KLHL41: variants seen among roughly 807,000 people sequenced by gnomAD.
The protein encoded by KLHL41 is kelch like family member 41.
Under a neutral mutation model 49.2 loss-of-function variants are expected in KLHL41, and 31 were observed. That is an observed-to-expected ratio of 0.63 (90% CI 0.47 to 0.85). The LOEUF (loss-of-function observed/expected upper bound fraction) is 0.85, where lower values mean the gene tolerates loss of function less well. Among genes scored for constraint, KLHL41 ranks in the 40% least tolerant of loss-of-function variants. KLHL41 has a pLI of 0.00. For synonymous variants in KLHL41, 218 were observed against 258.5 expected, an observed-to-expected ratio of 0.84 and a Z score of 1.50; for missense variants, 663 against 726.7, an observed-to-expected ratio of 0.91 and a Z score of 1.01.
rs1684298505 is a variant in KLHL41 at position 169,525,931 on chromosome 2, T to C, written c.*235T>C. On this transcript the variant is annotated 3_prime_UTR_variant, in exon 6 of 6. Coordinates refer to ENST00000284669, the MANE Select transcript of KLHL41 (RefSeq NM_006063.3). ...TAAATCTTCAGTTGAACAAATTATT[T>C]TGTGAATCTGTTTCACTCAATGGAT... 3.0e-6 allele frequency: 1 copy of C among 328,016 alleles called. No individual in the cohort carries two copies. Among genetic ancestry groups the C allele is most frequent in the Admixed American group, 4.6e-5 (1 of 21,732 alleles). 20.3% of individuals were successfully genotyped at this position (328,016 alleles called of 1,614,324 possible). A position where few individuals can be genotyped will look rare whatever the true frequency, so the allele number is the denominator to read the frequency against.
At chr2:169,516,003 AGAG>A (rs1023023614) in intron 3 of KLHL41, among the ~76,000 whole-genome samples, 10 of 152,182 alleles carry the variant, frequency 6.6e-5, no homozygotes, top group African/African-American at 1.9e-4. Flanking sequence ...TAACCCAGAG[AGAG>A]GAGAAGTGAG....
Position 169,514,673 on chromosome 2 carries a change from G to A in KLHL41, c.1210G>A (p.Ala404Thr), listed in dbSNP as rs747444097. ...GGTGGATGATAAAATCTATGTAGTT[G>A]CAGGCAAAGACCTTCAAACAGAGGC... ...GEVDDKIYVV[A>T]GKDLQTEASL... The change falls in exon 2 of 6, where the codon GCA (alanine) becomes ACA (threonine). Residue 404 changes from alanine (A) to threonine (T), a missense_variant. Coordinates refer to ENST00000284669, the MANE Select transcript of KLHL41 (RefSeq NM_006063.3). 5.0e-6 allele frequency: 8 copies of A among 1,613,868 alleles called. No individual in the cohort carries two copies. The highest frequency in any genetic ancestry group is 1.3e-5 in the African/African-American group (1 of 74,876).
At chr2:169,520,835 T>C in intron 4 of KLHL41, 26 bp from the exon 5 acceptor site, 1 of 1,534,376 alleles carries the variant, frequency 6.5e-7, no homozygotes. Context: ...AAGTTTTACA[T>C]TGACTATATT....
At chr2:169,522,381 C>A (rs867966786) in intron 5 of KLHL41, among the ~76,000 whole-genome samples, 7 of 152,000 alleles carry the variant, frequency 4.6e-5, no homozygotes, top group Admixed American at 6.6e-5. Context: ...CCTCCTCCCC[C>A]CAAAAAAGAG....
rs779872706 is a variant in KLHL41 at position 169,518,326 on chromosome 2, G to A, written c.1513G>A (p.Glu505Lys). 3 of 1,613,968 alleles carry A rather than the reference G, an allele frequency of 1.9e-6. No individual in the cohort carries two copies. Among genetic ancestry groups the A allele is most frequent in the South Asian group, 1.1e-5 (1 of 91,016 alleles). ...GKIVIAGGVTEDGLSASVEAF... is the reference protein window; with the variant it reads ...GKIVIAGGVTKDGLSASVEAF... Reference sequence around the variant, plus strand: ...AATTGTGATTGCAGGAGGTGTCACTGAAGATGGTCTTTCAGCTTCAGTTGA... The same window carrying A: ...AATTGTGATTGCAGGAGGTGTCACTAAAGATGGTCTTTCAGCTTCAGTTGA... Residue 505 changes from glutamate (E) to lysine (K), a missense_variant, in exon 4 of 6, where the codon GAA becomes AAA. Coordinates refer to ENST00000284669, the MANE Select transcript of KLHL41 (RefSeq NM_006063.3).
chr2:169,510,268 C>A lies in KLHL41; in HGVS notation c.490C>A (p.Gln164Lys). 2 of 1,614,004 alleles carry A rather than the reference C, an allele frequency of 1.2e-6. No individual in the cohort carries two copies. Among genetic ancestry groups the A allele is most frequent in the Non-Finnish European group, 1.7e-6 (2 of 1,180,034 alleles). The change falls in exon 1 of 6, where the codon CAG becomes AAG. Residue 164 changes from glutamine (Q) to lysine (K), a missense_variant. Around this residue, in one of 3 missense-constraint regions of KLHL41, gnomAD observed 528 missense variants for 581.0 expected, o/e 0.91. Transcript: ENST00000284669. The surrounding 1 kb of genome is among the most constrained non-coding windows in gnomAD (Gnocchi z 4.2). ...TGAATTTGTGTCTGATCGCTTTGTA[C>A]AGATTTGTAAGGAAGAGGACTTTAT... is the stretch of plus-strand genomic sequence containing the variant. ...AREFVSDRFVQICKEEDFMQL... is the reference protein window; with the variant it reads ...AREFVSDRFVKICKEEDFMQL...
rs2105308039 is a variant in KLHL41, at chr2:169,510,306, A to G, written c.528A>G (p.Pro176=). Reference sequence around the variant, plus strand: ...AAGAGGACTTTATGCAACTGTCTCCACAGGAACTGATCTCAGTCATTTCAA... The same window carrying G: ...AAGAGGACTTTATGCAACTGTCTCCGCAGGAACTGATCTCAGTCATTTCAA... ...CKEEDFMQLS[P]QELISVISND... The change falls in exon 1 of 6, where the codon CCA becomes CCG. Residue 176 remains proline, a synonymous_variant. Transcript: ENST00000284669. The surrounding 1 kb of genome is among the most constrained non-coding windows in gnomAD (Gnocchi z 4.2). 6.2e-7 allele frequency: 1 copy of G among 1,614,190 alleles called. No individual in the cohort carries two copies. The highest frequency in any genetic ancestry group is 1.3e-5 in the African/African-American group (1 of 75,058).
chr2:169,522,236 T>TAA (rs922019164), intron 5 of KLHL41, among the ~76,000 whole-genome samples: 4 of 152,310 alleles, frequency 2.6e-5, no homozygotes, highest in African/African-American at 9.6e-5. Context: ...GATGCTGAAC[T>TAA]AAAAAGGCTG....
At position 169,521,988 on chromosome 2, in the gene KLHL41, G is replaced by A. The variant is rs190812342; in HGVS notation, c.1709+981G>A. On this transcript the variant is annotated intron_variant, in intron 5 of 5. Coordinates refer to ENST00000284669, the MANE Select transcript of KLHL41 (RefSeq NM_006063.3). ...TGCACTCCAGCCTCAGCTACAGAGCGAGTCTTAAAAGAAAAAAAAAAAAAG... is the reference window on the plus strand; with the variant it reads ...TGCACTCCAGCCTCAGCTACAGAGCAAGTCTTAAAAGAAAAAAAAAAAAAG... Among the ~76,000 whole-genome samples, 528 of 149,314 alleles carry A rather than the reference G, an allele frequency of 3.5e-3. 4 individuals carry two copies. The highest frequency in any genetic ancestry group is 6.3e-3 in the Non-Finnish European group (428 of 67,580).
rs940060854 is a variant in KLHL41 at position 169,525,620 on chromosome 2, T to C, written c.1745T>C (p.Leu582Ser). 3 of 1,613,394 alleles carry C rather than the reference T, an allele frequency of 1.9e-6. No homozygotes were observed. Among genetic ancestry groups the C allele is most frequent in the African/African-American group, 2.7e-5 (2 of 74,930 alleles). Residue 582 changes from leucine (L) to serine (S), a missense_variant, in exon 6 of 6, where the codon TTG (leucine) becomes TCG (serine). Around this residue, in one of 3 missense-constraint regions of KLHL41, gnomAD observed 528 missense variants for 581.0 expected, o/e 0.91. Coordinates refer to ENST00000284669, the MANE Select transcript of KLHL41 (RefSeq NM_006063.3). ...GATAAAAAAGAATGGGCTGGGATGT[T>C]GAAGGAAATACGTTATGCTTCAGGA... ...EDDKKEWAGM[L>S]KEIRYASGAS...
At chr2:169,523,467 A>AG (rs2105313684) in intron 5 of KLHL41, among the ~76,000 whole-genome samples, 1 of 152,266 alleles carries the variant, frequency 6.6e-6, no homozygotes, top group South Asian at 2.1e-4. Flanking sequence ...TAAAGAGAAG[A>AG]GGGGGGCATT....
intron 4 of KLHL41, among the ~76,000 whole-genome samples, chr2:169,520,312 A>ATGTG (rs369521434): frequency 2.3e-5 from 2 of 86,636 alleles, no homozygotes; most frequent in African/African-American, 1.1e-4. Flanking sequence ...GTGTGTGTGT[A>ATGTG]TGTGTGTGTG....
chr2:169,519,022 A>C (rs1684160023), intron 4 of KLHL41, among the ~76,000 whole-genome samples: 1 of 151,988 alleles, frequency 6.6e-6, no homozygotes, highest in Non-Finnish European at 1.5e-5. Context: ...GTCTCTGTGG[A>C]ATCATTTGAT....
chr2:169,509,723 T>C lies in KLHL41; in HGVS notation c.-56T>C. ...CTGCCTTTTTACAGCTAGACCTGTG[T>C]GCTGCAAGGAGCTAAGGCCTTCAGT... On this transcript the variant is annotated 5_prime_UTR_variant, in exon 1 of 6. Transcript: ENST00000284669. 6.5e-7 allele frequency: 1 copy of C among 1,534,408 alleles called. No individual in the cohort carries two copies. The highest frequency in any genetic ancestry group is 8.7e-7 in the Non-Finnish European group (1 of 1,143,732).
rs1684195608 is a variant in KLHL41, at chr2:169,521,014, TCTC to T, written c.1709+8_1709+10del. On this transcript the variant is annotated splice_region_variant and intron_variant, in intron 5 of 5. Coordinates refer to ENST00000284669, the MANE Select transcript of KLHL41 (RefSeq NM_006063.3). ...AAGTCAATGACATATGGAAGTAAGT[TCTC>T]ATCACTTCAATTTTCAGAATCACAT... 1 of 1,607,996 alleles carries T rather than the reference TCTC, an allele frequency of 6.2e-7. No homozygotes were observed. The highest frequency in any genetic ancestry group is 2.2e-5 in the East Asian group (1 of 44,834).
chr2:169,520,152 CTGTGTGTGTGTGTG>C (rs59155387), intron 4 of KLHL41, among the ~76,000 whole-genome samples: 15,877 of 105,002 alleles, frequency 0.15, 1,123 homozygotes, highest in South Asian at 0.26. Flanking sequence ...AGGCCTAGCT[CTGTGTGTGTGTGTG>C]TGTGTGTGTG....
intron 5 of KLHL41, among the ~76,000 whole-genome samples, chr2:169,522,457 T>C (rs928161874): frequency 6.6e-6 from 1 of 151,732 alleles, no homozygotes; most frequent in Non-Finnish European, 1.5e-5. Context: ...AACAGTGAGA[T>C]GGGGAAAAGC....
At position 169,509,893 on chromosome 2, in the gene KLHL41, G is replaced by A; in HGVS notation, c.115G>A (p.Ala39Thr). The A allele has an allele frequency of 2.5e-6, 4 of 1,614,128 alleles. No individual in the cohort carries two copies. Among genetic ancestry groups the A allele is most frequent in the Non-Finnish European group, 3.4e-6 (4 of 1,180,024 alleles). ...AAAATTCATCGATTGCACCCTAAAA[G>A]CAGGTGACAAAAGTCTTCCTTGCCA... The part of the protein sequence containing the change: ...EKKFIDCTLK[A>T]GDKSLPCHRL... Residue 39 changes from alanine (A) to threonine (T), a missense_variant, in exon 1 of 6, where the codon GCA (alanine) becomes ACA (threonine). Physicochemically the swap from Ala to Thr is moderately conservative, Grantham distance 58 (BLOSUM62 0). Around this residue, in one of 3 missense-constraint regions of KLHL41, gnomAD observed 129 missense variants for 122.1 expected, o/e 1.06. Coordinates refer to ENST00000284669, the MANE Select transcript of KLHL41 (RefSeq NM_006063.3).
Position 169,509,924 on chromosome 2 carries a change from T to C in KLHL41, c.146T>C (p.Leu49Ser), listed in dbSNP as rs1684003271. Residue 49 changes from leucine to serine, a missense_variant, in exon 1 of 6, where the codon TTG (leucine) becomes TCG (serine). Transcript: ENST00000284669. ...AGDKSLPCHR[L>S]ILSACSPYFR... The stretch of plus-strand genomic sequence containing the variant: ...GACAAAAGTCTTCCTTGCCACAGAT[T>C]GATTTTGTCAGCTTGTAGTCCTTAC... The C allele has an allele frequency of 5.0e-6, 8 of 1,614,182 alleles. No homozygotes were observed. Among genetic ancestry groups the C allele is most frequent in the Non-Finnish European group, 6.8e-6 (8 of 1,180,026 alleles).
Sources: gnomAD v4.1 joint callset for allele counts (sites outside exome capture counted in the v4.1 genomes callset) on GRCh38, gnomAD v4.1.1 for gene constraint, gnomAD v4.1.1 regional missense constraint, Gnocchi (gnomAD v3.1) non-coding constraint, MANE v1.5 for transcripts, NCBI Gene and HGNC (gene_info 2026-07-23, HGNC 2026-07-21) for gene names.